The following ZKSCAN7 variants were observed in gnomAD, a reference collection of about 807,000 sequenced individuals.
The protein encoded by ZKSCAN7 is zinc finger protein with KRAB and SCAN domains 7.
Under a neutral mutation model 65.3 loss-of-function variants are expected in ZKSCAN7, and 38 were observed. That is an observed-to-expected ratio of 0.58 (90% CI 0.45 to 0.76). ZKSCAN7 has a LOEUF of 0.76. ZKSCAN7 is among the 30% of genes least tolerant of loss of function. ZKSCAN7 has a pLI of 0.00. For synonymous variants in ZKSCAN7, 321 were observed against 321.0 expected (o/e 1.00, Z 0.00); for missense variants, 815 against 913.3 (o/e 0.89, Z 1.39).
intron 2 of ZKSCAN7, among the ~76,000 whole-genome samples, chr3:44,560,506 C>CTTTTT (rs33986362): frequency 1.8e-5 from 2 of 108,408 alleles, no homozygotes; most frequent in African/African-American, 3.9e-5. Flanking sequence ...TTTCCTGTAT[C>CTTTTT]TTTTTTTTTT....
Position 44,570,563 on chromosome 3 carries a change from C to G in ZKSCAN7, c.1453C>G (p.His485Asp), listed in dbSNP as rs1312533799. ...TACTCAGAGTTCCCGACTCACTGAC[C>G]ACCAGAGAACCCATACTGGGGAGAA... ...AFTQSSRLTD[H>D]QRTHTGEKPY... is the part of the protein sequence containing the mutation. The change falls in exon 6 of 6, where the codon CAC becomes GAC. Residue 485 changes from histidine to aspartate, a missense_variant. His to Asp is a moderately conservative substitution (Grantham distance 81). Around this residue, in one of 3 missense-constraint regions of ZKSCAN7, gnomAD observed 578 missense variants for 629.5 expected, o/e 0.92. Transcript: ENST00000426540. 1.2e-6 allele frequency: 2 copies of G among 1,612,532 alleles called. No homozygotes were observed. The highest frequency in any genetic ancestry group is 8.5e-7 in the Non-Finnish European group (1 of 1,178,672).
At chr3:44,579,431 C>T in intron 5 of ZKSCAN7, among the ~76,000 whole-genome samples, 1 of 152,230 alleles carries the variant, frequency 6.6e-6, no homozygotes, top group East Asian at 1.9e-4. Flanking sequence ...GCCCTCTCGC[C>T]TCCGCTCCCA....
chr3:44,569,564 G>A (rs892259438), intron 5 of ZKSCAN7, among the ~76,000 whole-genome samples: 2 of 152,100 alleles, frequency 1.3e-5, no homozygotes, highest in African/African-American at 4.8e-5. Context: ...TGGTTGGAAG[G>A]GATCTTAGAG....
rs761937950 is a variant in ZKSCAN7 at position 44,570,087 on chromosome 3, C to G, written c.977C>G (p.Thr326Ser). The G allele has an allele frequency of 2.0e-5, 33 of 1,613,684 alleles. No individual in the cohort carries two copies. In the Admixed American group the frequency reaches 5.3e-4, roughly 26 times the overall value. The change falls in exon 6 of 6, where the codon ACC becomes AGC. Residue 326 changes from threonine to serine, a missense_variant. Thr to Ser is a moderately conservative substitution (Grantham distance 58). Transcript: ENST00000426540. The stretch of plus-strand genomic sequence containing the variant: ...ACTTTCAAGGAGTTAGAAGGACAAA[C>G]CTCAGATGAAGAAGGGAGCAGACTA... ...EDTFKELEGQTSDEEGSRLEN... is the reference protein window; with the variant it reads ...EDTFKELEGQSSDEEGSRLEN...
chr3:44,572,010 CTG>C lies in ZKSCAN7; in HGVS notation c.*638_*639del. ...AATTCACTGGTGCTACAATATGTAACTGTGGTTAATTGCCTTGTAAATTTTGC... is the reference window on the plus strand; with the variant it reads ...AATTCACTGGTGCTACAATATGTAACTGGTTAATTGCCTTGTAAATTTTGC... On this transcript the variant is annotated 3_prime_UTR_variant, in exon 6 of 6. Transcript: ENST00000426540. 7.1e-6 allele frequency: 7 copies of C among 985,842 alleles called. No homozygotes were observed. The highest frequency in any genetic ancestry group is 5.2e-4 in the Middle Eastern group (1 of 1,914). 61.1% of individuals were successfully genotyped at this position (985,842 alleles called of 1,614,324 possible).
rs764398272 is a variant in ZKSCAN7, at chr3:44,570,892, C to T, written c.1782C>T (p.Leu594=). The change falls in exon 6 of 6, where the codon CTC becomes CTT. Residue 594 remains leucine, a synonymous_variant. Transcript: ENST00000426540. ...CGKAFNQNSQ[L]IEHERIHTGE... ...AAGCCTTCAATCAGAACTCTCAACT[C>T]ATTGAGCATGAGCGAATTCATACTG... is the stretch of plus-strand genomic sequence containing the variant. The T allele has an allele frequency of 8.1e-6, 13 of 1,613,954 alleles. No individual in the cohort carries two copies. Among genetic ancestry groups the T allele is most frequent in the South Asian group, 2.2e-5 (2 of 91,074 alleles).
At chr3:44,555,958 G>C (rs1055496379) in intron 1 of ZKSCAN7, among the ~76,000 whole-genome samples, 1 of 152,222 alleles carries the variant, frequency 6.6e-6, no homozygotes, top group Non-Finnish European at 1.5e-5. Context: ...CTGGAAGTCA[G>C]CTCTGCCCTT....
Position 44,557,458 on chromosome 3 carries a change from T to G in ZKSCAN7, c.411T>G (p.Ser137Arg), listed in dbSNP as rs1454095643. 6.2e-7 allele frequency: 1 copy of G among 1,614,030 alleles called. No homozygotes were observed. Among genetic ancestry groups the G allele is most frequent in the Non-Finnish European group, 8.5e-7 (1 of 1,180,026 alleles). ...AVVEDFQRHL[S>R]GSEEVSAPAQ... ...TGGAGGATTTCCAGAGACACCTCAG[T>G]GGATCAGAGGAGGTGAGCAGTTGAG... is the stretch of plus-strand genomic sequence containing the variant. The change falls in exon 2 of 6, where the codon AGT becomes AGG. Residue 137 changes from serine (S) to arginine (R), a missense_variant. Coordinates refer to ENST00000426540, the MANE Select transcript of ZKSCAN7 (RefSeq NM_001288590.2).
Position 44,557,476 on chromosome 3 carries a change from C to T in ZKSCAN7, c.423+6C>T. The T allele has an allele frequency of 1.2e-6, 2 of 1,614,018 alleles. No homozygotes were observed. Among genetic ancestry groups the T allele is most frequent in the South Asian group, 2.2e-5 (2 of 91,070 alleles). On this transcript the variant is annotated splice_donor_region_variant and intron_variant, in intron 2 of 5. Transcript: ENST00000426540. ...ACCTCAGTGGATCAGAGGAGGTGAG[C>T]AGTTGAGTCTAGAATGGCGGCCTGA...
chr3:44,580,575 G>T (rs1700049324), intron 5 of ZKSCAN7: 3 of 1,613,888 alleles, frequency 1.9e-6, no homozygotes, highest in Non-Finnish European at 2.5e-6. Context: ...CTGCTTGTTG[G>T]TCCGGGGATA....
In ZKSCAN7 at chr3:44,570,947, G is replaced by C; in HGVS notation, c.1837G>C (p.Gly613Arg). ...GEKPFECSECGKAFGLSKCLI... is the reference protein window; with the variant it reads ...GEKPFECSECRKAFGLSKCLI... ...AAAACCTTTTGAATGTAGCGAGTGTGGTAAGGCATTTGGTCTGAGTAAATG... is the reference window on the plus strand; with the variant it reads ...AAAACCTTTTGAATGTAGCGAGTGTCGTAAGGCATTTGGTCTGAGTAAATG... Residue 613 changes from glycine to arginine, a missense_variant, in exon 6 of 6, where the codon GGT becomes CGT. By Grantham distance (125) the Gly-to-Arg change is moderately radical. This residue lies in a region of ZKSCAN7 where 578 missense variants were observed against 629.5 expected (regional missense o/e 0.92). Transcript: ENST00000426540. 1 of 1,614,184 alleles carries C rather than the reference G, an allele frequency of 6.2e-7. No individual in the cohort carries two copies. Among genetic ancestry groups the C allele is most frequent in the Non-Finnish European group, 8.5e-7 (1 of 1,180,044 alleles).
intron 5 of ZKSCAN7, among the ~76,000 whole-genome samples, chr3:44,579,012 G>C (rs1476464794): frequency 2.0e-5 from 3 of 152,208 alleles, no homozygotes; most frequent in African/African-American, 4.8e-5. Flanking sequence ...AGAGAGGTCA[G>C]CTCGTGTGTG....
chr3:44,579,984 G>GCC, intron 5 of ZKSCAN7: 1 of 1,542,794 alleles, frequency 6.5e-7, no homozygotes, highest in Non-Finnish European at 9.0e-7. Context: ...TTGGGGGGGG[G>GCC]CTTCATTGGT....
At chr3:44,580,946 C>A in intron 5 of ZKSCAN7, 1 of 1,612,570 alleles carries the variant, frequency 6.2e-7, no homozygotes. Flanking sequence ...ACTCGCGGGG[C>A]TGGAAGCAGT....
Position 44,570,962 on chromosome 3 carries a change from C to A in ZKSCAN7, c.1852C>A (p.Leu618Met), listed in dbSNP as rs148241240. 6.2e-7 allele frequency: 1 copy of A among 1,614,044 alleles called. No individual in the cohort carries two copies. Among genetic ancestry groups the A allele is most frequent in the African/African-American group, 1.3e-5 (1 of 74,908 alleles). Residue 618 changes from leucine to methionine, a missense_variant, in exon 6 of 6, where the codon CTG (leucine) becomes ATG (methionine). Physicochemically the swap from Leu to Met is conservative, Grantham distance 15. Around this residue, in one of 3 missense-constraint regions of ZKSCAN7, gnomAD observed 578 missense variants for 629.5 expected, o/e 0.92. Transcript: ENST00000426540. ...ECSECGKAFG[L>M]SKCLIRHQRL... ...TAGCGAGTGTGGTAAGGCATTTGGTCTGAGTAAATGTCTTATTCGGCACCA... is the reference window on the plus strand; with the variant it reads ...TAGCGAGTGTGGTAAGGCATTTGGTATGAGTAAATGTCTTATTCGGCACCA...
At chr3:44,569,804 G>A in intron 5 of ZKSCAN7, 118 bp from the exon 6 acceptor site, 2 of 1,404,490 alleles carry the variant, frequency 1.4e-6, no homozygotes, top group Non-Finnish European at 1.9e-6. Context: ...TTCTCAATGT[G>A]TCATCTCATT....
intron 5 of ZKSCAN7, chr3:44,578,430 G>A: frequency 6.2e-7 from 1 of 1,614,162 alleles, no homozygotes; most frequent in Non-Finnish European, 8.5e-7. Flanking sequence ...TCTGCAGCCA[G>A]GCGGTTGTTC....
intron 5 of ZKSCAN7, among the ~76,000 whole-genome samples, chr3:44,577,342 T>G (rs760679220): frequency 7.9e-5 from 12 of 151,784 alleles, no homozygotes; most frequent in Non-Finnish European, 1.3e-4. Context: ...TTGTGAAAGG[T>G]TTGCCACGAT....
downstream of ZKSCAN7, among the ~76,000 whole-genome samples, chr3:44,576,512 G>A (rs1699926685): frequency 6.6e-6 from 1 of 151,840 alleles, no homozygotes; most frequent in Non-Finnish European, 1.5e-5. Context: ...CATTTCTCTT[G>A]AATTTTTTTT....
Sources: allele counts gnomAD v4.1 joint callset (sites outside exome capture counted in the v4.1 genomes callset), GRCh38; gene constraint gnomAD v4.1.1; regional missense constraint gnomAD v4.1.1; transcripts MANE v1.5; gene names NCBI Gene and HGNC (gene_info 2026-07-23, HGNC 2026-07-21).